The following ANKRD45 variants were observed in gnomAD, a reference collection of about 807,000 sequenced individuals.
ANKRD45 encodes ankyrin repeat domain-containing protein 45.
In ANKRD45, 21 loss-of-function variants were observed where a neutral mutation model predicts 28.1. The ratio of observed to expected loss-of-function variants is 0.75; its 90% confidence interval spans 0.53 to 1.08. The LOEUF (loss-of-function observed/expected upper bound fraction) is 1.08, where lower values mean the gene tolerates loss of function less well. Ranked by LOEUF, ANKRD45 falls within the 50% of genes least tolerant of loss-of-function variation. ANKRD45 has a pLI of 0.00. For missense variants in ANKRD45, 261 were observed against 308.7 expected (o/e 0.85, Z 1.16); for synonymous variants, 86 against 103.9 (o/e 0.83, Z 1.05).
intron 2 of ANKRD45, among the ~76,000 whole-genome samples, chr1:173,650,122 A>G (rs1669115602): frequency 1.3e-5 from 2 of 152,208 alleles, no homozygotes; most frequent in Non-Finnish European, 2.9e-5. Context: ...TATTATTATT[A>G]CACTTTAAGT....
the ANKRD45 span, among the ~76,000 whole-genome samples, chr1:173,695,938 T>C: frequency 1.3e-5 from 2 of 152,202 alleles, no homozygotes; most frequent in South Asian, 2.1e-4. Flanking sequence ...CCTGATAAGA[T>C]GTTATCCATG....
At chr1:173,612,319 A>AGAAAGAAGGAAGGAAG in intron 5 of ANKRD45, among the ~76,000 whole-genome samples, 1 of 130,328 alleles carries the variant, frequency 7.7e-6, no homozygotes, top group East Asian at 2.4e-4. Context: ...AAGGAAGGAA[A>AGAAAGAAGGAAGGAAG]GAAGGAAGGA....
In ANKRD45 at chr1:173,659,317, G is replaced by A. The variant is rs1451167656; in HGVS notation, c.102C>T (p.Gly34=). The change falls in exon 2 of 6, where the codon GGC becomes GGT. Residue 34 remains glycine, a synonymous_variant. Coordinates refer to ENST00000333279, the MANE Select transcript of ANKRD45 (RefSeq NM_198493.3). ...CAGGTTGTAAAAGGGGGTTCTTAGG[G>A]CCTGTTTCCTCTGGTTCTTGGGCTT... is the stretch of plus-strand genomic sequence containing the variant. ...EEEAQEPEET[G]PKNPLLQPAL... is the part of the protein sequence containing the mutation. The A allele has an allele frequency of 3.1e-6, 5 of 1,613,346 alleles. No homozygotes were observed. The highest frequency in any genetic ancestry group is 4.2e-6 in the Non-Finnish European group (5 of 1,179,692).
the ANKRD45 span, among the ~76,000 whole-genome samples, chr1:173,680,998 G>T: frequency 4.6e-5 from 7 of 151,742 alleles, no homozygotes; most frequent in Admixed American, 2.6e-4. Context: ...GGGAGATAGG[G>T]AAGGGATAGC....
intron 3 of ANKRD45, chr1:173,636,981 T>C (rs1208831853): frequency 6.5e-7 from 1 of 1,535,504 alleles, no homozygotes; most frequent in South Asian, 1.2e-5. Flanking sequence ...TCTAAGAAAA[T>C]TAAGCACTGC....
chr1:173,652,262 T>C (rs1558139169), intron 2 of ANKRD45, among the ~76,000 whole-genome samples: 1 of 152,252 alleles, frequency 6.6e-6, no homozygotes, highest in African/African-American at 2.4e-5. Flanking sequence ...TATTTTGAGA[T>C]ACATTCCATC....
chr1:173,664,885 G>A (rs560003867), intron 1 of ANKRD45, among the ~76,000 whole-genome samples: 72 of 152,094 alleles, frequency 4.7e-4, no homozygotes, highest in African/African-American at 1.7e-3. Context: ...AATGGGTTTT[G>A]GAGTCAGAGA....
chr1:173,671,831 G>A (rs1233023987), upstream of ANKRD45, among the ~76,000 whole-genome samples: 3 of 150,066 alleles, frequency 2.0e-5, no homozygotes, highest in African/African-American at 7.4e-5. Flanking sequence ...ACAGTGAGCC[G>A]AGATCGCACC....
chr1:173,632,993 T>C (rs977366651), intron 3 of ANKRD45, among the ~76,000 whole-genome samples: 1 of 151,924 alleles, frequency 6.6e-6, no homozygotes, highest in African/African-American at 2.4e-5. Flanking sequence ...TTGGAAGTCT[T>C]ACCTAGAGCA....
At chr1:173,698,414 G>A in the ANKRD45 span, among the ~76,000 whole-genome samples, 6 of 152,056 alleles carry the variant, frequency 3.9e-5, no homozygotes, top group African/African-American at 1.2e-4. Flanking sequence ...TGACCACATA[G>A]TTGGAAGTAA....
chr1:173,692,094 A>T, the ANKRD45 span, among the ~76,000 whole-genome samples: 1 of 152,196 alleles, frequency 6.6e-6, no homozygotes, highest in African/African-American at 2.4e-5. Context: ...GATCAGAATG[A>T]GTTAGGGTGG....
intron 1 of ANKRD45, among the ~76,000 whole-genome samples, chr1:173,665,584 C>T (rs1669983414): frequency 6.6e-6 from 1 of 152,008 alleles, no homozygotes; most frequent in African/African-American, 2.4e-5. Flanking sequence ...CTATATCAGC[C>T]CAGAACCAAC....
chr1:173,657,184 C>T (rs951765557), intron 2 of ANKRD45, among the ~76,000 whole-genome samples: 5 of 151,412 alleles, frequency 3.3e-5, no homozygotes, highest in African/African-American at 4.9e-5. Flanking sequence ...TATTAAAGCT[C>T]GGCTGGGCGC....
the ANKRD45 span, among the ~76,000 whole-genome samples, chr1:173,677,502 T>C: frequency 6.6e-6 from 1 of 152,280 alleles, no homozygotes; most frequent in African/African-American, 2.4e-5. Flanking sequence ...AATGGGCCCT[T>C]ACAATCTCAC....
the ANKRD45 span, among the ~76,000 whole-genome samples, chr1:173,702,233 C>G: frequency 2.0e-5 from 3 of 152,180 alleles, no homozygotes; most frequent in African/African-American, 7.2e-5. Flanking sequence ...CTATGATTTT[C>G]TAATTAGAAG....
intron 1 of ANKRD45, among the ~76,000 whole-genome samples, chr1:173,667,278 C>T (rs1670064745): frequency 6.6e-6 from 1 of 152,130 alleles, no homozygotes. Context: ...CTGCCATTTT[C>T]CATTATGTTA....
chr1:173,646,770 G>A, intron 3 of ANKRD45, 76 bp downstream of exon 3: 3 of 1,418,108 alleles, frequency 2.1e-6, no homozygotes, highest in Non-Finnish European at 1.9e-6. Context: ...GTGAAAAAAG[G>A]TGACATATCC....
At chr1:173,639,417 T>A (rs1668606597) in intron 3 of ANKRD45, among the ~76,000 whole-genome samples, 1 of 152,130 alleles carries the variant, frequency 6.6e-6, no homozygotes. Flanking sequence ...CTTCCCCTAC[T>A]GCAGTCCCCA....
intron 5 of ANKRD45, among the ~76,000 whole-genome samples, chr1:173,613,711 CG>C (rs1395616385): frequency 6.6e-6 from 1 of 152,072 alleles, no homozygotes; most frequent in African/African-American, 2.4e-5. Flanking sequence ...TCTGCCCGGC[CG>C]CCCCTTCTGG....
Sources: gnomAD v4.1 joint callset for allele counts (sites outside exome capture counted in the v4.1 genomes callset) on GRCh38, gnomAD v4.1.1 for gene constraint, MANE v1.5 for transcripts, NCBI Gene and HGNC (gene_info 2026-07-23, HGNC 2026-07-21) for gene names.